Variants in KRT33A observed in about 807,000 individuals in gnomAD.
KRT33A encodes keratin, type I cuticular Ha3-I.
Under a neutral mutation model 41.1 loss-of-function variants are expected in KRT33A, and 44 were observed. The ratio of observed to expected loss-of-function variants is 1.07; its 90% confidence interval spans 0.84 to 1.38. The LOEUF (loss-of-function observed/expected upper bound fraction) is 1.38. Among genes scored for constraint, KRT33A ranks in the 40% most tolerant of loss-of-function variants. The probability of loss-of-function intolerance (pLI) is 0.00; values close to 1 mark genes in which losing one functional copy is unlikely to be tolerated. For missense variants in KRT33A, 536 were observed against 518.5 expected, an observed-to-expected ratio of 1.03 and a Z score of -0.33; for synonymous variants, 229 against 227.8, an observed-to-expected ratio of 1.01 and a Z score of -0.05.
chr17:41,347,891 C>G (rs1478893995), intron 3 of KRT33A, among the ~76,000 whole-genome samples: 1 of 152,236 alleles, frequency 6.6e-6, no homozygotes, highest in Non-Finnish European at 1.5e-5. Context: ...AGTTAAAGCA[C>G]TTAGCACAAT....
In KRT33A at chr17:41,348,632, T is replaced by G. The variant is rs1239004694; in HGVS notation, c.439A>C (p.Thr147Pro). Residue 147 changes from threonine to proline, a missense_variant, in exon 3 of 7, where the codon ACC (threonine) becomes CCC (proline). By Grantham distance (38) the Thr-to-Pro change is conservative. Coordinates refer to ENST00000007735, the MANE Select transcript of KRT33A (RefSeq NM_004138.4). ...ACCAGCTGCCGCAGGGACAGCTCGGTCTCATATCTGTGATCACAGGAGGGT... is the reference window on the plus strand; with the variant it reads ...ACCAGCTGCCGCAGGGACAGCTCGGGCTCATATCTGTGATCACAGGAGGGT... ...ASDDFRTKYE[T>P]ELSLRQLVES... 3 of 1,614,020 alleles carry G rather than the reference T, an allele frequency of 1.9e-6. No individual in the cohort carries two copies. Among genetic ancestry groups the G allele is most frequent in the Admixed American group, 1.7e-5 (1 of 60,018 alleles).
At chr17:41,349,557 G>T in intron 1 of KRT33A, 129 bp from the exon 2 acceptor site, 1 of 791,542 alleles carries the variant, frequency 1.3e-6, no homozygotes, top group Non-Finnish European at 2.0e-6. Flanking sequence ...ATATACAGCA[G>T]GTACTCAATG....
chr17:41,350,636 G>A lies in KRT33A; in HGVS notation c.132C>T (p.Cys44=), dbSNP rs2017495025. The part of the protein sequence containing the change: ...ACNIPANVSN[C]NWFCEGSFNG... The stretch of plus-strand genomic sequence containing the variant: ...TGAAGGAGCCCTCACAGAACCAGTT[G>A]CAGTTGCTCACATTGGCGGGGATGT... The change falls in exon 1 of 7, where the codon TGC becomes TGT. Residue 44 remains cysteine, a synonymous_variant. Coordinates refer to ENST00000007735, the MANE Select transcript of KRT33A (RefSeq NM_004138.4). The A allele has an allele frequency of 6.2e-7, 1 of 1,612,560 alleles. No individual in the cohort carries two copies. The highest frequency in any genetic ancestry group is 1.1e-5 in the South Asian group (1 of 91,062).
intron 1 of KRT33A, among the ~76,000 whole-genome samples, 180 bp downstream of exon 1, chr17:41,350,238 CTA>C (rs1187605350): frequency 1.3e-5 from 2 of 152,168 alleles, no homozygotes; most frequent in African/African-American, 2.4e-5. Flanking sequence ...TAGACTAACA[CTA>C]TGCAAATATT....
chr17:41,346,231 G>A lies in KRT33A; in HGVS notation c.1103C>T (p.Pro368Leu). The change falls in exon 7 of 7, where the codon CCC becomes CTC. Residue 368 changes from proline (P) to leucine (L), a missense_variant. Coordinates refer to ENST00000007735, the MANE Select transcript of KRT33A (RefSeq NM_004138.4). ...SLLESEDCKL[P>L]SNPCATTNAC... ...ATTGGTTGTGGCGCAGGGGTTGGAG[G>A]GGAGCCTGTGGGCAGAAAATCATTG... 1 of 1,613,882 alleles carries A rather than the reference G, an allele frequency of 6.2e-7. No homozygotes were observed. Among genetic ancestry groups the A allele is most frequent in the South Asian group, 1.1e-5 (1 of 91,074 alleles).
intron 1 of KRT33A, among the ~76,000 whole-genome samples, chr17:41,349,787 G>A (rs1348957552): frequency 6.6e-6 from 1 of 151,696 alleles, no homozygotes; most frequent in African/African-American, 2.4e-5. Flanking sequence ...CAATCAAGCA[G>A]AAAAGACAAA....
Position 41,350,711 on chromosome 17 carries a change from C to T in KRT33A, c.57G>A (p.Arg19=), listed in dbSNP as rs927404830. The T allele has an allele frequency of 6.2e-7, 1 of 1,611,956 alleles. No homozygotes were observed. The highest frequency in any genetic ancestry group is 8.5e-7 in the Non-Finnish European group (1 of 1,179,904). ...CGTGGCAGCTGGGGGGCACACAGGGCCGGGAGGAGCAGCTGGTGCGGCAGC... is the reference window on the plus strand; with the variant it reads ...CGTGGCAGCTGGGGGGCACACAGGGTCGGGAGGAGCAGCTGGTGCGGCAGC... ...SLSCRTSCSS[R]PCVPPSCHGC... is the part of the protein sequence containing the mutation. Residue 19 remains arginine (R), a synonymous_variant, in exon 1 of 7, where the codon CGG becomes CGA. Transcript: ENST00000007735.
At chr17:41,347,034 T>C (rs748905599) in intron 4 of KRT33A, 27 bp downstream of exon 4, 5 of 1,611,954 alleles carry the variant, frequency 3.1e-6, no homozygotes, top group Non-Finnish European at 4.2e-6. Context: ...CCTCGGGTCC[T>C]GAGTGGCCAC....
Position 41,346,155 on chromosome 17 carries a change from A to C in KRT33A, c.1179T>G (p.Arg393=), listed in dbSNP as rs2017410965. 2 of 1,614,114 alleles carry C rather than the reference A, an allele frequency of 1.2e-6. No homozygotes were observed. The highest frequency in any genetic ancestry group is 1.7e-6 in the Non-Finnish European group (2 of 1,179,994). ...GPCISNPCGL[R]ARCGPCNTFG... ...ATGTGTTGCAAGGCCCACACCGAGCACGTAGGCCACAGGGATTAGAGATAC... is the reference window on the plus strand; with the variant it reads ...ATGTGTTGCAAGGCCCACACCGAGCCCGTAGGCCACAGGGATTAGAGATAC... The change falls in exon 7 of 7, where the codon CGT becomes CGG. Residue 393 remains arginine, a synonymous_variant. Coordinates refer to ENST00000007735, the MANE Select transcript of KRT33A (RefSeq NM_004138.4).
At chr17:41,347,351 C>G in intron 3 of KRT33A, 129 bp from the exon 4 acceptor site, 1 of 1,124,812 alleles carries the variant, frequency 8.9e-7, no homozygotes, top group Non-Finnish European at 1.2e-6. Context: ...CTGTCACTAA[C>G]CAGGATCTAT....
Position 41,346,652 on chromosome 17 carries a change from T to G in KRT33A, c.893A>C (p.Asn298Thr), listed in dbSNP as rs770264335. The G allele has an allele frequency of 3.1e-6, 5 of 1,614,068 alleles. No homozygotes were observed. In the African/African-American group the frequency reaches 6.7e-5, roughly 22 times the overall value. The change falls in exon 6 of 7, where the codon AAC (asparagine) becomes ACC (threonine). Residue 298 changes from asparagine (N) to threonine (T), a missense_variant. Coordinates refer to ENST00000007735, the MANE Select transcript of KRT33A (RefSeq NM_004138.4). Reference protein sequence around the residue: ...AQHNLRDSLENTLTESEARYS... With the variant: ...AQHNLRDSLETTLTESEARYS... ...GCGGGCCTCGCTCTCTGTCAGCGTG[T>G]TTTCCAGAGAGTCTCGCTGTGGTGG...
chr17:41,348,548 C>T lies in KRT33A; in HGVS notation c.523G>A (p.Asp175Asn), dbSNP rs2017457771. 2 of 1,614,012 alleles carry T rather than the reference C, an allele frequency of 1.2e-6. No homozygotes were observed. The highest frequency in any genetic ancestry group is 1.7e-6 in the Non-Finnish European group (2 of 1,180,006). The change falls in exon 3 of 7, where the codon GAC becomes AAC. Residue 175 changes from aspartate to asparagine, a missense_variant. Asp to Asn is a conservative substitution (Grantham distance 23, BLOSUM62 1). Transcript: ENST00000007735. ...ILDELTLCRS[D>N]LEAQVESLKE... is the part of the protein sequence containing the mutation. ...AGGGACTCCACCTGGGCCTCCAGGT[C>T]AGACCTGCACAGGGTCAGCTCATCC...
chr17:41,350,825 C>T lies in KRT33A; in HGVS notation c.-58G>A, dbSNP rs1267275397. ...AGTCCAAAATCTCCAGGTTGTAGAG[C>T]GGTGGGTCTCCTTCCTCCAGGGAGC... On this transcript the variant is annotated 5_prime_UTR_variant, in exon 1 of 7. Coordinates refer to ENST00000007735, the MANE Select transcript of KRT33A (RefSeq NM_004138.4). 1.2e-5 allele frequency: 19 copies of T among 1,533,174 alleles called. No individual in the cohort carries two copies. The highest frequency in any genetic ancestry group is 4.9e-5 in the East Asian group (2 of 41,182). 95.0% of individuals were successfully genotyped at this position (1,533,174 alleles called of 1,614,324 possible). A position where few individuals can be genotyped will look rare whatever the true frequency, so the allele number is the denominator to read the frequency against.
In KRT33A at chr17:41,349,461, G is replaced by A. The variant is rs1031235859; in HGVS notation, c.349-33C>T. On this transcript the variant is annotated intron_variant, in intron 1 of 6. Coordinates refer to ENST00000007735, the MANE Select transcript of KRT33A (RefSeq NM_004138.4). ...GCCCAAAACATTCAAGAATGAGCAA[G>A]GACTTGGTAATTTTTCACCAATGGC... The A allele has an allele frequency of 3.1e-6, 5 of 1,611,508 alleles. No individual in the cohort carries two copies. In the South Asian group the frequency reaches 4.4e-5, roughly 14 times the overall value.
Position 41,346,177 on chromosome 17 carries a change from A to G in KRT33A, c.1157T>C (p.Ile386Thr), listed in dbSNP as rs1175679275. 6.2e-7 allele frequency: 1 copy of G among 1,614,016 alleles called. No individual in the cohort carries two copies. The highest frequency in any genetic ancestry group is 1.3e-5 in the African/African-American group (1 of 74,902). Reference protein sequence around the residue: ...NACDKSTGPCISNPCGLRARC... With the variant: ...NACDKSTGPCTSNPCGLRARC... ...AGCACGTAGGCCACAGGGATTAGAG[A>G]TACAGGGCCCAGTGGACTTGTCACA... The change falls in exon 7 of 7, where the codon ATC becomes ACC. Residue 386 changes from isoleucine (I) to threonine (T), a missense_variant. By Grantham distance (89) the Ile-to-Thr change is moderately conservative. Transcript: ENST00000007735.
chr17:41,349,414 C>A lies in KRT33A; in HGVS notation c.363G>T (p.Lys121Asn). 1.9e-6 allele frequency: 3 copies of A among 1,614,096 alleles called. No individual in the cohort carries two copies. The highest frequency in any genetic ancestry group is 2.5e-6 in the Non-Finnish European group (3 of 1,180,026). ...EELQQKILCSKSENARLVVQI... is the reference protein window; with the variant it reads ...EELQQKILCSNSENARLVVQI... ...GCACCACAAGCCTGGCATTCTCAGA[C>A]TTGCTGCACAGGATCTAGAAGGCCC... Residue 121 changes from lysine to asparagine, a missense_variant, in exon 2 of 7, where the codon AAG becomes AAT. Coordinates refer to ENST00000007735, the MANE Select transcript of KRT33A (RefSeq NM_004138.4).
Position 41,346,145 on chromosome 17 carries a change from C to G in KRT33A, c.1189G>C (p.Gly397Arg), listed in dbSNP as rs199531866. The G allele has an allele frequency of 7.4e-6, 12 of 1,613,876 alleles. No individual in the cohort carries two copies. Among genetic ancestry groups the G allele is most frequent in the Admixed American group, 5.0e-5 (3 of 60,008 alleles). Residue 397 changes from glycine (G) to arginine (R), a missense_variant, in exon 7 of 7, where the codon GGG becomes CGG. Transcript: ENST00000007735. Reference sequence around the variant, plus strand: ...TAGTACCCAAATGTGTTGCAAGGCCCACACCGAGCACGTAGGCCACAGGGA... The same window carrying G: ...TAGTACCCAAATGTGTTGCAAGGCCGACACCGAGCACGTAGGCCACAGGGA... ...SNPCGLRARC[G>R]PCNTFGY
chr17:41,346,480 C>T lies in KRT33A; in HGVS notation c.1065G>A (p.Thr355=), dbSNP rs57495682. The part of the protein sequence containing the change: ...VRARLECEIN[T]YRSLLESEDC... ...CCTCGCTCTCCAGCAGGCTCCGGTA[C>T]GTGTTGATCTCACACTCCAGCCGCG... The change falls in exon 6 of 7, where the codon ACG becomes ACA. Residue 355 remains threonine, a synonymous_variant. Transcript: ENST00000007735. 4.2e-4 allele frequency: 679 copies of T among 1,614,058 alleles called. 1 individual carries two copies. Among genetic ancestry groups the T allele is most frequent in the Middle Eastern group, 1.7e-3 (10 of 6,042 alleles).
chr17:41,346,464 C>T lies in KRT33A; in HGVS notation c.1081G>A (p.Glu361Lys), dbSNP rs2017418544. ...CEINTYRSLL[E>K]SEDCKLPSNP... The stretch of plus-strand genomic sequence containing the variant: ...CATACTGACTTGCAGTCCTCGCTCT[C>T]CAGCAGGCTCCGGTACGTGTTGATC... Residue 361 changes from glutamate to lysine, a missense_variant, in exon 6 of 7, where the codon GAG (glutamate) becomes AAG (lysine). Physicochemically the swap from Glu to Lys is moderately conservative, Grantham distance 56. Coordinates refer to ENST00000007735, the MANE Select transcript of KRT33A (RefSeq NM_004138.4). 2 of 1,613,954 alleles carry T rather than the reference C, an allele frequency of 1.2e-6. No individual in the cohort carries two copies. Among genetic ancestry groups the T allele is most frequent in the Non-Finnish European group, 1.7e-6 (2 of 1,179,972 alleles).
Sources: allele counts gnomAD v4.1 joint callset (sites outside exome capture counted in the v4.1 genomes callset), GRCh38; gene constraint gnomAD v4.1.1; transcripts MANE v1.5; gene names NCBI Gene and HGNC (gene_info 2026-07-23, HGNC 2026-07-21).